Variants in RBFOX2 observed in about 807,000 individuals in gnomAD.
RBFOX2 encodes RNA binding fox-1 homolog 2.
A neutral mutation model predicts 49.1 loss-of-function variants in RBFOX2; 10 were observed. The observed-to-expected ratio is 0.20, with a 90% CI of 0.13 to 0.35. RBFOX2 has a LOEUF of 0.35. Ranked by LOEUF, RBFOX2 falls within the 10% of genes least tolerant of loss-of-function variation. RBFOX2 has a pLI of 1.00. For missense variants in RBFOX2, 323 were observed against 486.9 expected, an observed-to-expected ratio of 0.66 and a Z score of 3.17; for synonymous variants, 183 against 187.4, an observed-to-expected ratio of 0.98 and a Z score of 0.19.
At chr22:35,814,517 TA>T (rs1341757877) in intron 1 of RBFOX2, among the ~76,000 whole-genome samples, 1 of 151,426 alleles carries the variant, frequency 6.6e-6, no homozygotes, top group African/African-American at 2.4e-5. Context: ...GAGACCAACC[TA>T]GGCAACATAG....
chr22:35,972,543 ATTAT>A (rs1045740054), intron 1 of RBFOX2, among the ~76,000 whole-genome samples: 9 of 152,156 alleles, frequency 5.9e-5, no homozygotes. Flanking sequence ...CTTGGAATAA[ATTAT>A]TTATCCTTCC....
At chr22:36,005,415 G>A (rs1036868995) in intron 1 of RBFOX2, among the ~76,000 whole-genome samples, 2 of 152,252 alleles carry the variant, frequency 1.3e-5, no homozygotes, top group African/African-American at 4.8e-5. Context: ...TCAGTGAGAT[G>A]CAAAGAAGTG....
intron 1 of RBFOX2, among the ~76,000 whole-genome samples, chr22:35,865,191 G>T (rs1184860468): frequency 6.6e-6 from 1 of 152,128 alleles, no homozygotes; most frequent in Non-Finnish European, 1.5e-5. Flanking sequence ...AGCCTGGCAT[G>T]ATTAATAAGA....
At chr22:35,953,079 C>T (rs2055129554) in intron 1 of RBFOX2, among the ~76,000 whole-genome samples, 4 of 151,670 alleles carry the variant, frequency 2.6e-5, no homozygotes, top group South Asian at 2.1e-4. Context: ...GGCCTGGTGG[C>T]GGGTGCCTGT....
At chr22:35,878,386 G>A (rs1405451529) in intron 1 of RBFOX2, among the ~76,000 whole-genome samples, 2 of 152,056 alleles carry the variant, frequency 1.3e-5, no homozygotes, top group African/African-American at 4.8e-5. Context: ...TGACAAGAGT[G>A]AAACTCCATC....
chr22:35,859,881 AT>A (rs150801052), intron 1 of RBFOX2, among the ~76,000 whole-genome samples: 2,048 of 152,306 alleles, frequency 0.013, 14 homozygotes, highest in Non-Finnish European at 0.019. Context: ...TTCACTTTAA[AT>A]TTACAAGACA....
chr22:35,895,684 G>A (rs556423795), intron 1 of RBFOX2, among the ~76,000 whole-genome samples: 37 of 152,212 alleles, frequency 2.4e-4, no homozygotes, highest in Middle Eastern at 6.8e-3. Context: ...TACTCACCAC[G>A]CAGACGGGCT....
Position 36,028,299 on chromosome 22 carries a change from CG to C in RBFOX2, c.126del (p.Gly43AlafsTer2). The C allele has an allele frequency of 6.5e-7, 1 of 1,532,252 alleles. No individual in the cohort carries two copies. The highest frequency in any genetic ancestry group is 1.9e-5 in the Admixed American group (1 of 53,980). 94.9% of individuals were successfully genotyped at this position (1,532,252 alleles called of 1,614,324 possible). ...TCAGTGCGCGGCCGCTTGCTCAGGC[CG>C]GGATCGGCTCCGTCTCCTCCCGCTC... On this transcript the variant is annotated frameshift_variant, in exon 1 of 14. Transcript: ENST00000438146. LOFTEE classifies it high-confidence loss of function.
At chr22:35,768,388 G>C in intron 4 of RBFOX2, 39 bp from the exon 6 acceptor site, 1 of 1,522,212 alleles carries the variant, frequency 6.6e-7, no homozygotes, top group Non-Finnish European at 9.1e-7. Context: ...CATGCACATC[G>C]TTATATTGAA....
At chr22:35,849,326 C>G (rs199617359) in intron 1 of RBFOX2, among the ~76,000 whole-genome samples, 4 of 148,520 alleles carry the variant, frequency 2.7e-5, no homozygotes, top group African/African-American at 7.5e-5. Flanking sequence ...CACACACACA[C>G]ACACACAGAC....
chr22:35,998,710 G>C (rs533123994), intron 1 of RBFOX2: 1 of 152,344 alleles, frequency 6.6e-6, no homozygotes, highest in South Asian at 2.1e-4. Flanking sequence ...ATGAGTGCAA[G>C]AGTGAGATGG....
At chr22:35,925,425 G>A (rs1329491313) in intron 1 of RBFOX2, among the ~76,000 whole-genome samples, 2 of 152,114 alleles carry the variant, frequency 1.3e-5, no homozygotes, top group African/African-American at 2.4e-5. Flanking sequence ...AGCTACTTGG[G>A]AGGCTGAGGT....
chr22:35,775,857 A>AAG (rs1808433968), intron 4 of RBFOX2, among the ~76,000 whole-genome samples: 1 of 150,362 alleles, frequency 6.7e-6, no homozygotes, highest in Non-Finnish European at 1.5e-5. Context: ...AAAAAAAAAA[A>AAG]AAAAGAAAAG....
At chr22:35,938,428 C>T (rs188844736) in intron 1 of RBFOX2, among the ~76,000 whole-genome samples, 1 of 152,096 alleles carries the variant, frequency 6.6e-6, no homozygotes, top group Non-Finnish European at 1.5e-5. Context: ...AGGCTGAATT[C>T]CCCCAGGGAG....
At chr22:35,779,721 G>A (rs9622285) in intron 3 of RBFOX2, among the ~76,000 whole-genome samples, 5,351 of 152,284 alleles carry the variant, frequency 0.035, 169 homozygotes, top group Admixed American at 0.099. Flanking sequence ...ATGAAATGGA[G>A]CATGGATGCC....
At chr22:35,789,472 G>C (rs1024274853) in intron 2 of RBFOX2, among the ~76,000 whole-genome samples, 1 of 152,128 alleles carries the variant, frequency 6.6e-6, no homozygotes, top group Non-Finnish European at 1.5e-5. Context: ...GAACCCAGGA[G>C]GCAGAGGTTG....
At chr22:35,873,858 T>G (rs1033443509) in intron 1 of RBFOX2, among the ~76,000 whole-genome samples, 4 of 152,064 alleles carry the variant, frequency 2.6e-5, no homozygotes, top group Non-Finnish European at 5.9e-5. Context: ...TTTTGTTATT[T>G]TTAGTAGAAG....
At chr22:35,904,946 A>G (rs750762400) in intron 1 of RBFOX2, among the ~76,000 whole-genome samples, 7 of 152,232 alleles carry the variant, frequency 4.6e-5, no homozygotes, top group Non-Finnish European at 8.8e-5. Flanking sequence ...GGGCAGACAT[A>G]AAACATTTCT....
intron 1 of RBFOX2, among the ~76,000 whole-genome samples, chr22:35,883,823 T>C (rs1035162305): frequency 2.0e-5 from 3 of 152,122 alleles, no homozygotes; most frequent in African/African-American, 7.2e-5. Flanking sequence ...TCCAGTTTCT[T>C]TCCTTTAAGA....
Sources: gnomAD v4.1 joint callset for allele counts (sites outside exome capture counted in the v4.1 genomes callset) on GRCh38, gnomAD v4.1.1 for gene constraint, MANE v1.5 for transcripts, NCBI Gene and HGNC (gene_info 2026-07-23, HGNC 2026-07-21) for gene names.